The following ZNF16 variants were observed in gnomAD, a reference collection of about 807,000 sequenced individuals.
ZNF16 encodes zinc finger protein 16.
ZNF16 carries 7 observed loss-of-function variants against 9.0 expected under a neutral mutation model. The observed-to-expected ratio is 0.78, with a 90% CI of 0.44 to 1.47. The LOEUF (loss-of-function observed/expected upper bound fraction) is 1.47, where lower values mean the gene tolerates loss of function less well. Among genes scored for constraint, ZNF16 ranks in the 40% most tolerant of loss-of-function variants. ZNF16 has a pLI of 0.01. For missense variants in ZNF16, 830 were observed against 854.2 expected, an observed-to-expected ratio of 0.97 and a Z score of 0.35; for synonymous variants, 312 against 301.5, an observed-to-expected ratio of 1.03 and a Z score of -0.36.
At chr8:144,947,169 G>A (rs1468680840) in intron 1 of ZNF16, among the ~76,000 whole-genome samples, 1 of 127,962 alleles carries the variant, frequency 7.8e-6, no homozygotes, top group East Asian at 2.3e-4. Context: ...GTACCCTGCT[G>A]TGGGCCTGTG....
chr8:144,943,605 C>T (rs182512358), intron 2 of ZNF16, among the ~76,000 whole-genome samples: 6 of 152,122 alleles, frequency 3.9e-5, no homozygotes, highest in East Asian at 1.9e-4. Context: ...ATGCAACCTC[C>T]GCCTCCTGGG....
rs1833611530 is a variant in ZNF16 at position 144,933,723 on chromosome 8, T to C, written c.197-1133A>G. ...ACCCCACCTCTACCTCTGCTCCTGC[T>C]ATACTCTGAGCAGGGCAGATGTGTC... On this transcript the variant is annotated intron_variant, in intron 2 of 2. Transcript: ENST00000394909. The surrounding 1 kb of genome is among the most constrained non-coding windows in gnomAD (Gnocchi z 5.6). Among the ~76,000 whole-genome samples, 1 of 152,162 alleles carries C rather than the reference T, an allele frequency of 6.6e-6. No homozygotes were observed. The highest frequency in any genetic ancestry group is 1.5e-5 in the Non-Finnish European group (1 of 68,038).
chr8:144,940,073 ATATCTTT>A (rs1833766604), intron 2 of ZNF16, among the ~76,000 whole-genome samples: 1 of 151,684 alleles, frequency 6.6e-6, no homozygotes, highest in South Asian at 2.1e-4. Flanking sequence ...AATCTGACTT[ATATCTTT>A]CTTTCCTTTT....
In ZNF16 at chr8:144,932,900, C is replaced by A. The variant is rs192604662; in HGVS notation, c.197-310G>T. 1.3e-4 allele frequency among the ~76,000 whole-genome samples: 20 copies of A among 152,314 alleles called. No individual in the cohort carries two copies. The highest frequency in any genetic ancestry group is 2.4e-4 in the Non-Finnish European group (16 of 68,030). Reference sequence around the variant, plus strand: ...CCAAAATCCTGGCTGTCCCTTGACTCCCCTCTTCCTCGACACCCACACCAA... The same window carrying A: ...CCAAAATCCTGGCTGTCCCTTGACTACCCTCTTCCTCGACACCCACACCAA... On this transcript the variant is annotated intron_variant, in intron 2 of 2. Transcript: ENST00000394909. This position sits in a 1 kb window ranked among gnomAD's most constrained non-coding sequence, Gnocchi z 5.0.
chr8:144,936,966 A>T (rs757125329), intron 2 of ZNF16, among the ~76,000 whole-genome samples: 1 of 149,936 alleles, frequency 6.7e-6, no homozygotes, highest in Non-Finnish European at 1.5e-5. Flanking sequence ...AAGTTCTGGG[A>T]TTGCAGTTGT....
At chr8:144,949,953 G>C (rs539269129) in intron 1 of ZNF16, among the ~76,000 whole-genome samples, 1 of 152,132 alleles carries the variant, frequency 6.6e-6, no homozygotes, top group South Asian at 2.1e-4. Flanking sequence ...ACTCTCTCCT[G>C]CCTGCCCCTG....
chr8:144,931,152 A>T lies in ZNF16; in HGVS notation c.1635T>A (p.Tyr545Ter). The change falls in exon 3 of 3, where the codon TAT (tyrosine) becomes TAA (stop). Residue 545 changes from tyrosine to a stop codon, truncating the protein, a stop_gained. Transcript: ENST00000394909. LOFTEE classifies it high-confidence loss of function. ...AGGTTTTTCCACATTCAGTACATTC[A>T]TAGGGCTTCTCTCCAGTGTGGACTC... is the stretch of plus-strand genomic sequence containing the variant. Reference protein sequence around the residue: ...HQRVHTGEKPYECTECGKTFS... With the variant: ...HQRVHTGEKP The T allele has an allele frequency of 6.2e-7, 1 of 1,614,216 alleles. No homozygotes were observed. The highest frequency in any genetic ancestry group is 8.5e-7 in the Non-Finnish European group (1 of 1,180,038).
At chr8:144,943,756 G>C (rs1331865171) in intron 2 of ZNF16, among the ~76,000 whole-genome samples, 1 of 152,128 alleles carries the variant, frequency 6.6e-6, no homozygotes, top group Non-Finnish European at 1.5e-5. Flanking sequence ...CTGACCTCAA[G>C]TGATCTGCTT....
At chr8:144,947,692 C>A (rs1454306788) in intron 1 of ZNF16, among the ~76,000 whole-genome samples, 1 of 152,176 alleles carries the variant, frequency 6.6e-6, no homozygotes, top group Non-Finnish European at 1.5e-5. Context: ...CATGTTGGCA[C>A]CCCAGTGTGC....
rs1322893690 is a variant in ZNF16 at position 144,947,166 on chromosome 8, G to A, written c.-9-951C>T. Reference sequence around the variant, plus strand: ...ATACCCTTCTGTGGGCCTGTACCCTGCTGTGGGCCTGTGTCCTGCTGTGGG... The same window carrying A: ...ATACCCTTCTGTGGGCCTGTACCCTACTGTGGGCCTGTGTCCTGCTGTGGG... On this transcript the variant is annotated intron_variant, in intron 1 of 2. Coordinates refer to ENST00000394909, the MANE Select transcript of ZNF16 (RefSeq NM_006958.3). 1.1e-4 allele frequency among the ~76,000 whole-genome samples: 14 copies of A among 124,618 alleles called. No individual in the cohort carries two copies. The Admixed American group carries it at 1.2e-3, about 10-fold the overall frequency. 81.8% of individuals were successfully genotyped at this position (124,618 alleles called of 152,430 possible). A position where few individuals can be genotyped will look rare whatever the true frequency, so the allele number is the denominator to read the frequency against.
At chr8:144,940,070 CTT>C (rs1005100360) in intron 2 of ZNF16, among the ~76,000 whole-genome samples, 21 of 151,886 alleles carry the variant, frequency 1.4e-4, no homozygotes, top group Admixed American at 6.6e-4. Context: ...TTAAATCTGA[CTT>C]ATATCTTTCT....
rs772584529 is a variant in ZNF16 at position 144,931,713 on chromosome 8, G to A, written c.1074C>T (p.Phe358=). 8 of 1,613,774 alleles carry A rather than the reference G, an allele frequency of 5.0e-6. No homozygotes were observed. In the East Asian group the frequency reaches 1.8e-4, roughly 36 times the overall value. ...PYVCSECGKA[F]RRSSNLIKHH... Reference sequence around the variant, plus strand: ...GTTTGATGAGGTTTGAGCTTCGCCTGAAGGCCTTCCCACACTCACTGCACA... The same window carrying A: ...GTTTGATGAGGTTTGAGCTTCGCCTAAAGGCCTTCCCACACTCACTGCACA... Residue 358 remains phenylalanine (F), a synonymous_variant, in exon 3 of 3, where the codon TTC becomes TTT. Transcript: ENST00000394909.
rs1563925735 is a variant in ZNF16 at position 144,946,612 on chromosome 8, T to TGTGTCCTGGTGGGCC, written c.-9-398_-9-397insGGCCCACCAGGACAC. 2.2e-3 allele frequency among the ~76,000 whole-genome samples: 189 copies of TGTGTCCTGGTGGGCC among 86,210 alleles called. 10 individuals carry two copies. Among genetic ancestry groups the TGTGTCCTGGTGGGCC allele is most frequent in the African/African-American group, 8.2e-3 (174 of 21,320 alleles). 56.6% of individuals were successfully genotyped at this position (86,210 alleles called of 152,430 possible). The stretch of plus-strand genomic sequence containing the variant: ...GTGGGTCTGTATCCTGCTGTTGGGC[T>TGTGTCCTGGTGGGCC]TGTGTCCTGCTGTTGGGCCTGTGTC... On this transcript the variant is annotated intron_variant, in intron 1 of 2. Transcript: ENST00000394909.
intron 2 of ZNF16, among the ~76,000 whole-genome samples, chr8:144,937,099 T>A (rs995684994): frequency 6.6e-6 from 1 of 151,778 alleles, no homozygotes; most frequent in Non-Finnish European, 1.5e-5. Flanking sequence ...ATTTGCAGAT[T>A]TCCCCCCATT....
Position 144,931,113 on chromosome 8 carries a change from T to G in ZNF16, c.1674A>C (p.Ser558=). 6.2e-7 allele frequency: 1 copy of G among 1,614,254 alleles called. No homozygotes were observed. Among genetic ancestry groups the G allele is most frequent in the Non-Finnish European group, 8.5e-7 (1 of 1,180,030 alleles). ...TECGKTFSQS[S]TLIQHQRIHN... ...GAATCCTCTGATGCTGAATGAGGGT[T>G]GAGCTCTGGCTGAAGGTTTTTCCAC... Residue 558 remains serine (S), a synonymous_variant, in exon 3 of 3, where the codon TCA becomes TCC. Transcript: ENST00000394909.
chr8:144,934,448 G>A (rs1833633933), intron 2 of ZNF16, among the ~76,000 whole-genome samples: 1 of 152,250 alleles, frequency 6.6e-6, no homozygotes, highest in Non-Finnish European at 1.5e-5. Context: ...TGGGCTGCAG[G>A]GGATTCCCCA....
intron 2 of ZNF16, among the ~76,000 whole-genome samples, chr8:144,940,360 CTTCCTT>C (rs1833772575): frequency 6.6e-6 from 1 of 152,182 alleles, no homozygotes; most frequent in South Asian, 2.1e-4. Context: ...TGGCCTCTCT[CTTCCTT>C]TTCAACAAGG....
intron 2 of ZNF16, among the ~76,000 whole-genome samples, chr8:144,941,857 A>G (rs941867066): frequency 6.0e-5 from 9 of 148,780 alleles, no homozygotes; most frequent in Non-Finnish European, 1.3e-4. Context: ...ATGGGGTTTC[A>G]CTGTGTTGGC....
chr8:144,931,254 G>A lies in ZNF16; in HGVS notation c.1533C>T (p.His511=). Residue 511 remains histidine, a synonymous_variant, in exon 3 of 3, where the codon CAC becomes CAT. Transcript: ENST00000394909. ...SSALIQHQGV[H]TGDKPYACHE... The stretch of plus-strand genomic sequence containing the variant: ...GGCAGGCGTAGGGCTTGTCGCCTGT[G>A]TGCACGCCCTGGTGCTGAATGAGGG... 1 of 1,614,002 alleles carries A rather than the reference G, an allele frequency of 6.2e-7. No homozygotes were observed. The highest frequency in any genetic ancestry group is 1.1e-5 in the South Asian group (1 of 91,078).
Sources: allele counts gnomAD v4.1 joint callset (sites outside exome capture counted in the v4.1 genomes callset), GRCh38; gene constraint gnomAD v4.1.1; non-coding constraint Gnocchi (gnomAD v3.1); transcripts MANE v1.5; gene names NCBI Gene and HGNC (gene_info 2026-07-23, HGNC 2026-07-21).